CHRNE: variants seen among roughly 807,000 people sequenced by gnomAD.
CHRNE encodes the protein cholinergic receptor nicotinic epsilon subunit.
A neutral mutation model predicts 56.5 loss-of-function variants in CHRNE; 58 were observed. That is an observed-to-expected ratio of 1.03 (90% CI 0.83 to 1.28). CHRNE has a LOEUF of 1.28. CHRNE is among the 50% of genes most tolerant of loss of function. The probability of loss-of-function intolerance (pLI) is 0.00; values close to 1 mark genes in which losing one functional copy is unlikely to be tolerated. For missense variants in CHRNE, 793 were observed against 688.9 expected, an observed-to-expected ratio of 1.15 and a Z score of -1.69; for synonymous variants, 385 against 297.9, an observed-to-expected ratio of 1.29 and a Z score of -3.01.
intron 5 of CHRNE, 99 bp downstream of exon 5, chr17:4,901,833 G>T (rs559699657): frequency 3.2e-6 from 5 of 1,547,758 alleles, no homozygotes; most frequent in Non-Finnish European, 4.4e-6. Context: ...CGCCTCCAGC[G>T]CGAAGCCCCG....
chr17:4,898,852 T>C lies in CHRNE; in HGVS notation c.1366A>G (p.Asn456Asp). ...DWVRMGNALD[N>D]ICFWAALVLF... is the part of the protein sequence containing the mutation. Reference sequence around the variant, plus strand: ...ACCAGAGCGGCCCAGAAGCAGATGTTGTCAAGGGCATTCCCCATGCGCACC... The same window carrying C: ...ACCAGAGCGGCCCAGAAGCAGATGTCGTCAAGGGCATTCCCCATGCGCACC... The change falls in exon 12 of 12, where the codon AAC becomes GAC. Residue 456 changes from asparagine (N) to aspartate (D), a missense_variant. Coordinates refer to ENST00000649488, the MANE Select transcript of CHRNE (RefSeq NM_000080.4). 1 of 1,592,202 alleles carries C rather than the reference T, an allele frequency of 6.3e-7. No homozygotes were observed. The highest frequency in any genetic ancestry group is 2.3e-5 in the East Asian group (1 of 44,132).
rs767084417 is a variant in CHRNE, at chr17:4,902,767, C to T, written c.47-4G>A. 2.5e-6 allele frequency: 4 copies of T among 1,613,980 alleles called. No individual in the cohort carries two copies. Among genetic ancestry groups the T allele is most frequent in the East Asian group, 2.2e-5 (1 of 44,852 alleles). On this transcript the variant is annotated splice_region_variant and splice_polypyrimidine_tract_variant and intron_variant, in intron 1 of 11. Transcript: ENST00000649488. The surrounding 1 kb of genome is among the most constrained non-coding windows in gnomAD (Gnocchi z 4.0). The stretch of plus-strand genomic sequence containing the variant: ...TCGTTCTTCCCCACACCCCTGCCTG[C>T]GATGGGGTCAAGAAGGAAGGGTCAT...
upstream of CHRNE, among the ~76,000 whole-genome samples, chr17:4,907,854 C>T (rs1160119465): frequency 6.6e-6 from 1 of 152,028 alleles, no homozygotes; most frequent in Non-Finnish European, 1.5e-5. Flanking sequence ...CCAGCCTGAC[C>T]CACATGGTGA....
chr17:4,900,151 G>T (rs1969928937), intron 8 of CHRNE: 2 of 1,549,016 alleles, frequency 1.3e-6, no homozygotes, highest in Non-Finnish European at 1.7e-6. Context: ...TAGAGGTGGG[G>T]TACTGGGGGG....
In CHRNE at chr17:4,899,322, G is replaced by A. The variant is rs750889051; in HGVS notation, c.1095C>T (p.Ala365=). 21 of 1,561,316 alleles carry A rather than the reference G, an allele frequency of 1.3e-5. No individual in the cohort carries two copies. Among genetic ancestry groups the A allele is most frequent in the Admixed American group, 1.1e-4 (6 of 53,274 alleles). ...GSPPPPEAPR[A]ASPPRRASSV... is the part of the protein sequence containing the mutation. ...ACGACGCCCGCCTTGGGGGCGAGGC[G>A]GCCCGGGGGGCCTCGGGCGGCGGCG... Residue 365 remains alanine (A), a synonymous_variant, in exon 10 of 12, where the codon GCC becomes GCT. Transcript: ENST00000649488.
In CHRNE at chr17:4,902,351, G is replaced by A. The variant is rs140756451; in HGVS notation, c.235-25C>T. 4.4e-4 allele frequency: 716 copies of A among 1,613,050 alleles called. 2 individuals carry two copies. The African/African-American group carries it at 8.4e-3, about 19-fold the overall frequency. ...CCTAAGGGGTGGGGGATGGAAGGCC[G>A]CGTGCCCTGCATCTCCCACCTGGCG... On this transcript the variant is annotated intron_variant, in intron 3 of 11. Coordinates refer to ENST00000649488, the MANE Select transcript of CHRNE (RefSeq NM_000080.4). This position sits in a 1 kb window ranked among gnomAD's most constrained non-coding sequence, Gnocchi z 4.0.
Position 4,899,089 on chromosome 17 carries a change from A to G in CHRNE, c.1238T>C (p.Leu413Pro). 1 of 1,609,382 alleles carries G rather than the reference A, an allele frequency of 6.2e-7. No individual in the cohort carries two copies. Among genetic ancestry groups the G allele is most frequent in the Non-Finnish European group, 8.5e-7 (1 of 1,178,970 alleles). The change falls in exon 11 of 12, where the codon CTG (leucine) becomes CCG (proline). Residue 413 changes from leucine to proline, a missense_variant. Transcript: ENST00000649488. ...GCGGACCTCGGGGGCGGCGGCGCCC[A>G]GGCTCTGGCAGAAGGCAGCTGGCGG... Reference protein sequence around the residue: ...GTWTAAFCQSLGAAAPEVRCC... With the variant: ...GTWTAAFCQSPGAAAPEVRCC...
At position 4,902,489 on chromosome 17, in the gene CHRNE, T is replaced by C. The variant is rs1334272633; in HGVS notation, c.195A>G (p.Glu65=). 3 of 1,614,074 alleles carry C rather than the reference T, an allele frequency of 1.9e-6. No homozygotes were observed. Among genetic ancestry groups the C allele is most frequent in the African/African-American group, 1.3e-5 (1 of 74,920 alleles). ...CGCTAGTGGTGAGAGTCTCCTCTTTTTCATTCTGCAGATGGGAGATGGGGA... is the reference window on the plus strand; with the variant it reads ...CGCTAGTGGTGAGAGTCTCCTCTTTCTCATTCTGCAGATGGGAGATGGGGA... ...VTLTNLISLN[E]KEETLTTSVW... is the part of the protein sequence containing the mutation. The change falls in exon 3 of 12, where the codon GAA becomes GAG. Residue 65 remains glutamate (E), a synonymous_variant. Transcript: ENST00000649488. This position sits in a 1 kb window ranked among gnomAD's most constrained non-coding sequence, Gnocchi z 4.0.
At position 4,901,632 on chromosome 17, in the gene CHRNE, A is replaced by G. The variant is rs1266305481; in HGVS notation, c.501-7T>C. 1.2e-6 allele frequency: 2 copies of G among 1,613,516 alleles called. No individual in the cohort carries two copies. The highest frequency in any genetic ancestry group is 2.2e-5 in the South Asian group (2 of 91,078). On this transcript the variant is annotated splice_polypyrimidine_tract_variant and splice_region_variant and intron_variant, in intron 5 of 11. Transcript: ENST00000649488. ...GGCATTGTACGTCTGAGAGCTGCGG[A>G]GCCAGGGCCGGGAGCCCACCCCAGA...
upstream of CHRNE, among the ~76,000 whole-genome samples, chr17:4,903,314 G>A (rs919758524): frequency 6.6e-6 from 1 of 152,178 alleles, no homozygotes; most frequent in South Asian, 2.1e-4. Context: ...CAACTCCCCA[G>A]CCACAGATGT....
rs1161346606 is a variant in CHRNE at position 4,900,227 on chromosome 17, C to G, written c.917+566G>C. 3.2e-6 allele frequency: 5 copies of G among 1,546,808 alleles called. No individual in the cohort carries two copies. The African/African-American group carries it at 6.8e-5, about 21-fold the overall frequency. On this transcript the variant is annotated intron_variant, in intron 8 of 11. Coordinates refer to ENST00000649488, the MANE Select transcript of CHRNE (RefSeq NM_000080.4). Reference sequence around the variant, plus strand: ...CTGCCTCCCCGCTAACCCCTGTGCCCCCAATGCAGATCTCAGCCCTGTGGC... The same window carrying G: ...CTGCCTCCCCGCTAACCCCTGTGCCGCCAATGCAGATCTCAGCCCTGTGGC...
rs1455970082 is a variant in CHRNE at position 4,899,068 on chromosome 17, AC to A, written c.1258del (p.Val420SerfsTer8). ...GTTCACGGCATCCACACAGCAGCGG[AC>A]CTCGGGGGCGGCGGCGCCCAGGCTC... The part of the protein sequence containing the change: ...CQSLGAAAPE[V>X]RCCVDAVNFV... On this transcript the variant is annotated frameshift_variant, in exon 11 of 12. Transcript: ENST00000649488. LOFTEE classifies it high-confidence loss of function. 2 of 1,611,534 alleles carry A rather than the reference AC, an allele frequency of 1.2e-6. No homozygotes were observed. The highest frequency in any genetic ancestry group is 1.7e-6 in the Non-Finnish European group (2 of 1,179,610).
At chr17:4,903,739 G>C (rs1970050465), upstream of CHRNE, among the ~76,000 whole-genome samples, 1 of 152,112 alleles carries the variant, frequency 6.6e-6, no homozygotes, top group Non-Finnish European at 1.5e-5. Flanking sequence ...GTCTATCCCT[G>C]CTGCCACCTT....
chr17:4,906,788 AAAG>A (rs1010061353), upstream of CHRNE, among the ~76,000 whole-genome samples: 23 of 152,316 alleles, frequency 1.5e-4, no homozygotes, highest in South Asian at 1.9e-3. Context: ...TTTAAAAAAA[AAAG>A]AAAAAAGAAA....
At chr17:4,900,085 G>A in intron 8 of CHRNE, 1 of 1,550,962 alleles carries the variant, frequency 6.4e-7, no homozygotes, top group Admixed American at 2.0e-5. Flanking sequence ...AGCCCACCCT[G>A]GGGCTGGTGT....
rs116858390 is a variant in CHRNE at position 4,900,501 on chromosome 17, G to T, written c.917+292C>A. On this transcript the variant is annotated intron_variant, in intron 8 of 11. Coordinates refer to ENST00000649488, the MANE Select transcript of CHRNE (RefSeq NM_000080.4). Reference sequence around the variant, plus strand: ...GCAGCTAGGCCTCGGAATCCCCGGAGAACCGGTGAGCTCAGGACACGGGGT... The same window carrying T: ...GCAGCTAGGCCTCGGAATCCCCGGATAACCGGTGAGCTCAGGACACGGGGT... The T allele has an allele frequency of 2.0e-3, 3,146 of 1,550,980 alleles. 5 individuals carry two copies. Among genetic ancestry groups the T allele is most frequent in the Non-Finnish European group, 2.6e-3 (3,010 of 1,146,974 alleles).
Position 4,898,591 on chromosome 17 carries a change from A to T in CHRNE, c.*145T>A. ...GCGGCCAGGCCTACACACGCCAGGG[A>T]ACGGGCACACACCATTCTTGTGAAG... On this transcript the variant is annotated 3_prime_UTR_variant, in exon 12 of 12. Transcript: ENST00000649488. 8.8e-7 allele frequency: 1 copy of T among 1,138,310 alleles called. No homozygotes were observed. The highest frequency in any genetic ancestry group is 1.3e-6 in the Non-Finnish European group (1 of 794,358). The allele number at this position is 1,138,310 out of a possible 1,614,324, so 70.5% of individuals were successfully genotyped here.
At chr17:4,899,430 C>CACCCCG (rs1555546404) in intron 9 of CHRNE, 38 bp downstream of exon 9, 37 of 1,551,348 alleles carry the variant, frequency 2.4e-5, no homozygotes, top group Non-Finnish European at 3.0e-5. Flanking sequence ...TACGAAGCCC[C>CACCCCG]ACCCCGACCC....
At chr17:4,904,805 G>A (rs1970071082), upstream of CHRNE, among the ~76,000 whole-genome samples, 2 of 152,114 alleles carry the variant, frequency 1.3e-5, no homozygotes, top group Non-Finnish European at 2.9e-5. Context: ...CATGTTACAA[G>A]CGAGGACACA....
Sources: allele counts gnomAD v4.1 joint callset (sites outside exome capture counted in the v4.1 genomes callset), GRCh38; gene constraint gnomAD v4.1.1; non-coding constraint Gnocchi (gnomAD v3.1); transcripts MANE v1.5; gene names NCBI Gene and HGNC (gene_info 2026-07-23, HGNC 2026-07-21).